Variants in EEA1 observed in about 807,000 individuals in gnomAD.
EEA1 encodes early endosome antigen 1, also known as early endosome antigen 1, 162kD.
A neutral mutation model predicts 209.2 loss-of-function variants in EEA1; 111 were observed. The ratio of observed to expected loss-of-function variants is 0.53; its 90% confidence interval spans 0.45 to 0.62. The LOEUF is 0.62. EEA1 is among the 20% of genes least tolerant of loss of function. EEA1 has a pLI of 0.00. For missense variants in EEA1, 1,343 were observed against 1,530.8 expected (o/e 0.88, Z 2.05); for synonymous variants, 536 against 540.6 (o/e 0.99, Z 0.12).
chr12:92,894,863 TC>T (rs1424055035), intron 1 of EEA1, among the ~76,000 whole-genome samples: 1 of 152,198 alleles, frequency 6.6e-6, no homozygotes, highest in African/African-American at 2.4e-5. Flanking sequence ...AAAACAGCCT[TC>T]TATTGGAAGA....
intron 1 of EEA1, among the ~76,000 whole-genome samples, chr12:92,918,724 A>G: frequency 9.8e-6 from 1 of 101,640 alleles, no homozygotes; most frequent in Non-Finnish European, 2.0e-5. Flanking sequence ...AAGCTAGCAG[A>G]AGGCAAGAAA....
At chr12:92,883,912 A>T in intron 2 of EEA1, 1 of 1,575,670 alleles carries the variant, frequency 6.3e-7, no homozygotes, top group Non-Finnish European at 8.7e-7. Context: ...TGTGGTAATG[A>T]GAGATCCAAA....
intron 8 of EEA1, among the ~76,000 whole-genome samples, chr12:92,851,699 GA>G (rs917824149): frequency 3.9e-5 from 6 of 152,120 alleles, no homozygotes; most frequent in Non-Finnish European, 8.8e-5. Context: ...ATAAAGGAAA[GA>G]AAGTCAAGGA....
At chr12:92,926,240 G>A (rs1010248171) in intron 1 of EEA1, among the ~76,000 whole-genome samples, 1 of 151,592 alleles carries the variant, frequency 6.6e-6, no homozygotes, top group African/African-American at 2.4e-5. Context: ...TGATCCGCCC[G>A]TCTCGGCCTC....
chr12:92,922,284 CA>C (rs1275374093), intron 1 of EEA1, among the ~76,000 whole-genome samples: 9 of 152,168 alleles, frequency 5.9e-5, no homozygotes, highest in Non-Finnish European at 1.0e-4. Context: ...TCTATTCCAC[CA>C]CCCTCACAGC....
At chr12:92,869,403 C>T (rs1463332734) in intron 2 of EEA1, among the ~76,000 whole-genome samples, 1 of 152,022 alleles carries the variant, frequency 6.6e-6, no homozygotes. Context: ...CTTACCTTAA[C>T]TGGAACTTAA....
chr12:92,789,679 C>A (rs1874309734), intron 21 of EEA1, among the ~76,000 whole-genome samples: 1 of 152,202 alleles, frequency 6.6e-6, no homozygotes, highest in Non-Finnish European at 1.5e-5. Context: ...TAGACTCCAC[C>A]TCTGGGGGCA....
chr12:92,795,075 A>G (rs1874601302), intron 21 of EEA1, among the ~76,000 whole-genome samples: 1 of 152,156 alleles, frequency 6.6e-6, no homozygotes, highest in Non-Finnish European at 1.5e-5. Flanking sequence ...CCTTTAGTCA[A>G]ACCCCACCAT....
At chr12:92,841,930 G>A (rs1049082051) in intron 10 of EEA1, among the ~76,000 whole-genome samples, 4 of 152,190 alleles carry the variant, frequency 2.6e-5, no homozygotes, top group African/African-American at 7.2e-5. Context: ...CATGTTGAAA[G>A]TGGCATTACA....
chr12:92,842,348 T>C (rs1430338132), intron 10 of EEA1, 117 bp downstream of exon 10: 2 of 490,644 alleles, frequency 4.1e-6, no homozygotes, highest in African/African-American at 2.2e-5. Flanking sequence ...TATTAAACAC[T>C]AAAAAAAAAA....
chr12:92,917,591 G>C (rs1194317007), intron 1 of EEA1, among the ~76,000 whole-genome samples: 2 of 151,740 alleles, frequency 1.3e-5, no homozygotes, highest in Non-Finnish European at 2.9e-5. Flanking sequence ...GCTCCTGAAG[G>C]AAGCGCTAAA....
chr12:92,835,451 G>A (rs771215048), intron 10 of EEA1: 25 of 206,850 alleles, frequency 1.2e-4, no homozygotes, highest in South Asian at 4.6e-4. Context: ...TCGCTCTGTC[G>A]CCCAGGTGGG....
chr12:92,807,226 T>C (rs1875255513), intron 18 of EEA1, among the ~76,000 whole-genome samples: 1 of 151,836 alleles, frequency 6.6e-6, no homozygotes, highest in Non-Finnish European at 1.5e-5. Context: ...ATTTCTAGGA[T>C]TACAGGCATG....
chr12:92,868,845 C>A (rs2136728046), intron 2 of EEA1, among the ~76,000 whole-genome samples: 1 of 152,188 alleles, frequency 6.6e-6, no homozygotes, highest in East Asian at 1.9e-4. Flanking sequence ...ATATTTATCA[C>A]TGAAAAGATG....
intron 9 of EEA1, among the ~76,000 whole-genome samples, chr12:92,847,920 G>T (rs574195923): frequency 6.6e-6 from 1 of 152,156 alleles, no homozygotes; most frequent in Non-Finnish European, 1.5e-5. Context: ...AAGAGTAAGA[G>T]TTTGTTTCTA....
At chr12:92,906,672 G>A (rs538834950) in intron 1 of EEA1, among the ~76,000 whole-genome samples, 1 of 152,094 alleles carries the variant, frequency 6.6e-6, no homozygotes, top group Non-Finnish European at 1.5e-5. Context: ...AGGTTAGCCG[G>A]GCATAGTGGC....
At chr12:92,808,641 T>G (rs1371860584) in intron 18 of EEA1, among the ~76,000 whole-genome samples, 2 of 152,182 alleles carry the variant, frequency 1.3e-5, no homozygotes, top group Non-Finnish European at 2.9e-5. Context: ...CTATTTGGTA[T>G]AGCTAGAAGG....
chr12:92,853,106 G>A (rs968859640), intron 6 of EEA1, 81 bp from the exon 7 acceptor site: 4 of 912,046 alleles, frequency 4.4e-6, no homozygotes, highest in African/African-American at 3.4e-5. Flanking sequence ...TATTACAGTT[G>A]TAAAGATGAT....
intron 2 of EEA1, among the ~76,000 whole-genome samples, chr12:92,882,468 T>C (rs1879191663): frequency 1.3e-5 from 2 of 151,704 alleles, no homozygotes; most frequent in South Asian, 4.2e-4. Context: ...GTTTGTTACC[T>C]GGGTATATTG....
Sources: allele counts gnomAD v4.1 joint callset (sites outside exome capture counted in the v4.1 genomes callset), GRCh38; gene constraint gnomAD v4.1.1; transcripts MANE v1.5; gene names NCBI Gene and HGNC (gene_info 2026-07-23, HGNC 2026-07-21).